Variants in SLC39A11 observed in about 807,000 individuals in gnomAD.
SLC39A11 encodes solute carrier family 39 member 11.
SLC39A11 carries 33 observed loss-of-function variants against 36.1 expected under a neutral mutation model. The ratio of observed to expected loss-of-function variants is 0.91; its 90% confidence interval spans 0.69 to 1.22. The LOEUF (loss-of-function observed/expected upper bound fraction) is 1.22, where lower values mean the gene tolerates loss of function less well. Among genes scored for constraint, SLC39A11 ranks in the 50% most tolerant of loss-of-function variants. The probability of loss-of-function intolerance (pLI) is 0.00; values close to 1 mark genes in which losing one functional copy is unlikely to be tolerated. For missense variants in SLC39A11, 432 were observed against 430.3 expected, an observed-to-expected ratio of 1.00 and a Z score of -0.03; for synonymous variants, 166 against 170.3, an observed-to-expected ratio of 0.97 and a Z score of 0.20.
At chr17:72,964,300 T>C (rs1448090253) in intron 4 of SLC39A11, among the ~76,000 whole-genome samples, 3 of 152,250 alleles carry the variant, frequency 2.0e-5, no homozygotes, top group Non-Finnish European at 2.9e-5. Flanking sequence ...ACAGGGCTAA[T>C]GAAGCCACAT....
chr17:73,082,588 C>T (rs2060581071), intron 3 of SLC39A11, among the ~76,000 whole-genome samples: 1 of 152,006 alleles, frequency 6.6e-6, no homozygotes, highest in South Asian at 2.1e-4. Context: ...TACTGGCATT[C>T]TGTTCTTTGT....
intron 7 of SLC39A11, among the ~76,000 whole-genome samples, chr17:72,652,946 T>C (rs534360996): frequency 2.0e-5 from 3 of 152,176 alleles, no homozygotes; most frequent in African/African-American, 7.2e-5. Context: ...CTGGCACATA[T>C]AGAAGAATTC....
chr17:72,802,757 A>G (rs766123937), intron 6 of SLC39A11, among the ~76,000 whole-genome samples: 2 of 152,156 alleles, frequency 1.3e-5, no homozygotes, highest in African/African-American at 2.4e-5. Context: ...AGAGCCACTC[A>G]CTGTAAACCA....
chr17:72,704,715 T>G (rs996220735), intron 7 of SLC39A11, among the ~76,000 whole-genome samples: 3 of 151,852 alleles, frequency 2.0e-5, no homozygotes, highest in African/African-American at 4.8e-5. Context: ...GGCAGTTCCC[T>G]GGGGGGTCCT....
chr17:72,964,917 C>T (rs573216471), intron 4 of SLC39A11, among the ~76,000 whole-genome samples: 38 of 152,278 alleles, frequency 2.5e-4, no homozygotes, highest in African/African-American at 8.4e-4. Context: ...GAATACTACG[C>T]AGCCATAAAA....
intron 7 of SLC39A11, among the ~76,000 whole-genome samples, chr17:72,666,821 G>C (rs2070776025): frequency 6.6e-6 from 1 of 152,240 alleles, no homozygotes; most frequent in Admixed American, 6.5e-5. Context: ...CTGCCTGGCA[G>C]TATGTAGTCT....
At chr17:72,852,749 G>T (rs1433843918) in intron 5 of SLC39A11, among the ~76,000 whole-genome samples, 1 of 152,194 alleles carries the variant, frequency 6.6e-6, no homozygotes, top group Non-Finnish European at 1.5e-5. Flanking sequence ...GATGACTCAG[G>T]CTGCAGATGC....
At chr17:72,955,953 A>G (rs2086226930) in intron 4 of SLC39A11, among the ~76,000 whole-genome samples, 1 of 152,124 alleles carries the variant, frequency 6.6e-6, no homozygotes, top group African/African-American at 2.4e-5. Flanking sequence ...TAAGATAATC[A>G]ATATCAGCCC....
At chr17:73,027,372 C>G (rs1320283357) in intron 4 of SLC39A11, among the ~76,000 whole-genome samples, 2 of 152,214 alleles carry the variant, frequency 1.3e-5, no homozygotes, top group Non-Finnish European at 2.9e-5. Context: ...TCCTTGTCCA[C>G]CCCCTTTTTT....
At chr17:72,700,763 G>A (rs989580045) in intron 7 of SLC39A11, among the ~76,000 whole-genome samples, 3 of 152,212 alleles carry the variant, frequency 2.0e-5, no homozygotes, top group Non-Finnish European at 4.4e-5. Context: ...AAGGTGAAAG[G>A]CACATCTCAC....
At chr17:72,857,577 C>CG (rs1199588795) in intron 5 of SLC39A11, among the ~76,000 whole-genome samples, 3 of 152,166 alleles carry the variant, frequency 2.0e-5, no homozygotes, top group African/African-American at 7.2e-5. Flanking sequence ...AGTTCAACAA[C>CG]GGTTGAACTA....
chr17:72,754,456 A>G (rs1598587409), intron 6 of SLC39A11, among the ~76,000 whole-genome samples: 1 of 152,178 alleles, frequency 6.6e-6, no homozygotes, highest in Non-Finnish European at 1.5e-5. Context: ...TTTTTAAAAA[A>G]TTAATTGAAA....
At chr17:72,799,595 C>T (rs2077015174) in intron 6 of SLC39A11, among the ~76,000 whole-genome samples, 1 of 152,096 alleles carries the variant, frequency 6.6e-6, no homozygotes, top group Non-Finnish European at 1.5e-5. Flanking sequence ...TAAATGGCCA[C>T]TCTGGGAGTG....
intron 4 of SLC39A11, among the ~76,000 whole-genome samples, chr17:72,959,883 C>T (rs1394359736): frequency 6.6e-6 from 1 of 152,158 alleles, no homozygotes; most frequent in Non-Finnish European, 1.5e-5. Flanking sequence ...TCCTTAATTC[C>T]TCATTCTGTC....
chr17:73,019,516 G>A (rs1347979140), intron 4 of SLC39A11, among the ~76,000 whole-genome samples: 1 of 152,080 alleles, frequency 6.6e-6, no homozygotes, highest in Non-Finnish European at 1.5e-5. Flanking sequence ...ACAATTACAA[G>A]GTAGACTATG....
intron 7 of SLC39A11, among the ~76,000 whole-genome samples, chr17:72,655,139 C>A (rs758374306): frequency 6.6e-4 from 100 of 152,362 alleles, no homozygotes; most frequent in Non-Finnish European, 1.3e-3. Context: ...TCCTTTGCTC[C>A]CCAGCAGGGG....
chr17:72,731,469 CTATTA>C (rs1054188834), intron 7 of SLC39A11, among the ~76,000 whole-genome samples: 4 of 152,032 alleles, frequency 2.6e-5, no homozygotes, highest in African/African-American at 9.7e-5. Flanking sequence ...TTTTGTAAAA[CTATTA>C]TATTATTATA....
chr17:72,687,744 C>T (rs2071825988), intron 7 of SLC39A11, among the ~76,000 whole-genome samples: 1 of 152,194 alleles, frequency 6.6e-6, no homozygotes, highest in Non-Finnish European at 1.5e-5. Flanking sequence ...CTGACAAAAT[C>T]CTGGCAGCAG....
At chr17:72,938,194 GCATACCTGCCA>G in intron 5 of SLC39A11, among the ~76,000 whole-genome samples, 1 of 152,210 alleles carries the variant, frequency 6.6e-6, no homozygotes, top group Non-Finnish European at 1.5e-5. Context: ...CAGAATGCTA[GCATACCTGCCA>G]CCCAGAAAGG....
Sources: gnomAD v4.1 joint callset for allele counts (sites outside exome capture counted in the v4.1 genomes callset) on GRCh38, gnomAD v4.1.1 for gene constraint, MANE v1.5 for transcripts, NCBI Gene and HGNC (gene_info 2026-07-23, HGNC 2026-07-21) for gene names.